PAPOLA: variants seen among roughly 807,000 people sequenced by gnomAD.
PAPOLA encodes poly(A) polymerase alpha, also known as polynucleotide adenylyltransferase alpha.
PAPOLA carries 15 observed loss-of-function variants against 100.6 expected under a neutral mutation model. That is an observed-to-expected ratio of 0.15 (90% CI 0.10 to 0.23). The LOEUF (loss-of-function observed/expected upper bound fraction) is 0.23. Ranked by LOEUF, PAPOLA falls within the 10% of genes least tolerant of loss-of-function variation. The pLI, the probability that PAPOLA is intolerant of heterozygous loss-of-function variation, is 1.00. For missense variants in PAPOLA, 533 were observed against 884.2 expected (o/e 0.60, Z 5.04); for synonymous variants, 293 against 300.0 (o/e 0.98, Z 0.24).
chr14:96,544,086 G>A (rs1345870034), intron 14 of PAPOLA, 63 bp from the exon 15 acceptor site: 3 of 865,760 alleles, frequency 3.5e-6, no homozygotes, highest in African/African-American at 1.7e-5. Context: ...CTGATTGTCA[G>A]CCACACTGAT....
Position 96,555,831 on chromosome 14 carries a change from A to AT in PAPOLA, c.1665-3dup, listed in dbSNP as rs748715578. 0.081 allele frequency: 80,500 copies of AT among 991,568 alleles called. 8 individuals carry two copies. The highest frequency in any genetic ancestry group is 0.088 in the Non-Finnish European group (63,099 of 715,302). 61.4% of individuals were successfully genotyped at this position (991,568 alleles called of 1,614,324 possible). On this transcript the variant is annotated splice_polypyrimidine_tract_variant and intron_variant, in intron 17 of 21. Transcript: ENST00000216277. ...TTTTTAAATTTTGAGACAATTTTTAATTTTTTTTTTTTTAGCAGAAACAGT... is the reference window on the plus strand; with the variant it reads ...TTTTTAAATTTTGAGACAATTTTTAATTTTTTTTTTTTTTAGCAGAAACAGT...
intron 3 of PAPOLA, among the ~76,000 whole-genome samples, chr14:96,523,182 GA>G (rs1432913127): frequency 6.6e-6 from 1 of 151,272 alleles, no homozygotes; most frequent in Non-Finnish European, 1.5e-5. Context: ...ACTTAAAAAT[GA>G]AAAAAAGATT....
In PAPOLA at chr14:96,507,428, C is replaced by T. The variant is rs1009293311; in HGVS notation, c.8+4828C>T. 2.0e-5 allele frequency among the ~76,000 whole-genome samples: 3 copies of T among 151,138 alleles called. No homozygotes were observed. The South Asian group carries it at 6.2e-4, about 31-fold the overall frequency. On this transcript the variant is annotated intron_variant, in intron 1 of 21. Transcript: ENST00000216277. ...TCAGCCTCCCGAGTAGCTGGGACTA[C>T]AGGCGCCCGCCACTGCGCCCGGCTA...
At position 96,532,572 on chromosome 14, in the gene PAPOLA, A is replaced by G. The variant is rs772771111; in HGVS notation, c.759A>G (p.Val253=). 1 of 1,613,400 alleles carries G rather than the reference A, an allele frequency of 6.2e-7. No individual in the cohort carries two copies. The highest frequency in any genetic ancestry group is 1.3e-5 in the African/African-American group (1 of 74,976). The change falls in exon 9 of 22, where the codon GTA becomes GTG. Residue 253 remains valine, a synonymous_variant. Coordinates refer to ENST00000216277, the MANE Select transcript of PAPOLA (RefSeq NM_032632.5). The part of the protein sequence containing the change: ...FLGGVSWAML[V]ARTCQLYPNA... ...GTGGTGTTTCCTGGGCTATGCTAGT[A>G]GCAAGAACTTGCCAGCTTTATCCAA... is the stretch of plus-strand genomic sequence containing the variant.
chr14:96,559,581 C>CTCTCTCTATATATATATA (rs370979875), intron 19 of PAPOLA, among the ~76,000 whole-genome samples: 33 of 120,176 alleles, frequency 2.7e-4, no homozygotes, highest in African/African-American at 9.7e-4. Context: ...CTCTCTCTCT[C>CTCTCTCTATATATATATA]TATATATATA....
chr14:96,513,575 G>T (rs1466585716), intron 1 of PAPOLA, among the ~76,000 whole-genome samples: 2 of 152,146 alleles, frequency 1.3e-5, no homozygotes, highest in East Asian at 3.8e-4. Flanking sequence ...CTTTTAAAAT[G>T]ATGTAACAAG....
intron 15 of PAPOLA, among the ~76,000 whole-genome samples, chr14:96,546,880 C>T (rs1050711365): frequency 1.3e-5 from 2 of 152,088 alleles, no homozygotes. Flanking sequence ...GCATTTTCTG[C>T]TGCTTAGGGC....
chr14:96,545,023 C>T (rs775898102), intron 15 of PAPOLA, among the ~76,000 whole-genome samples: 6 of 152,118 alleles, frequency 3.9e-5, no homozygotes, highest in African/African-American at 9.6e-5. Context: ...GCAAATACTA[C>T]GCATAGGGAC....
chr14:96,534,371 G>A, intron 9 of PAPOLA, 120 bp from the exon 10 acceptor site: 1 of 1,504,400 alleles, frequency 6.6e-7, no homozygotes, highest in Non-Finnish European at 8.8e-7. Context: ...TTAAAACGTT[G>A]TATGTACCAA....
chr14:96,566,823 A>AT lies in PAPOLA; in HGVS notation c.*1777dup, dbSNP rs1241549243. The AT allele has an allele frequency of 6.6e-6, 1 of 152,544 alleles. No homozygotes were observed. The highest frequency in any genetic ancestry group is 2.4e-5 in the African/African-American group (1 of 41,434). The allele number at this position is 152,544 out of a possible 1,614,324, so 9.4% of individuals were successfully genotyped here. On this transcript the variant is annotated 3_prime_UTR_variant, in exon 22 of 22. Coordinates refer to ENST00000216277, the MANE Select transcript of PAPOLA (RefSeq NM_032632.5). Reference sequence around the variant, plus strand: ...TACCAGGCACAGATTTAGTCTTGTCATTTTGTTTACACATTGGGGAAAACA... The same window carrying AT: ...TACCAGGCACAGATTTAGTCTTGTCATTTTTGTTTACACATTGGGGAAAACA...
intron 10 of PAPOLA, 140 bp downstream of exon 10, chr14:96,534,703 A>G: frequency 9.4e-6 from 14 of 1,482,336 alleles, no homozygotes; most frequent in East Asian, 4.8e-5. Context: ...AGATAACCTC[A>G]ACTATAATTG....
At chr14:96,512,492 T>A (rs1870836562) in intron 1 of PAPOLA, among the ~76,000 whole-genome samples, 1 of 152,242 alleles carries the variant, frequency 6.6e-6, no homozygotes, top group Admixed American at 6.5e-5. Context: ...GGGTTCATAT[T>A]CTGGTCCAGT....
intron 15 of PAPOLA, among the ~76,000 whole-genome samples, chr14:96,546,257 A>G (rs1195639436): frequency 6.6e-6 from 1 of 152,052 alleles, no homozygotes; most frequent in Non-Finnish European, 1.5e-5. Context: ...GGTTTCTGCT[A>G]CTTAGTACTG....
At chr14:96,536,743 A>G (rs918753637) in intron 11 of PAPOLA, among the ~76,000 whole-genome samples, 2 of 151,930 alleles carry the variant, frequency 1.3e-5, no homozygotes, top group Non-Finnish European at 2.9e-5. Context: ...TGAGCATGGC[A>G]TTTTAGAATA....
intron 2 of PAPOLA, 51 bp downstream of exon 2, chr14:96,520,279 A>G: frequency 7.1e-7 from 1 of 1,407,262 alleles, no homozygotes; most frequent in Non-Finnish European, 9.8e-7. Flanking sequence ...ATTAATGTTG[A>G]CATAAACTAA....
chr14:96,552,908 A>G (rs1330768152), intron 17 of PAPOLA: 1 of 361,040 alleles, frequency 2.8e-6, no homozygotes, highest in East Asian at 5.7e-5. Context: ...CTACTGCTAC[A>G]GTGCACTGTA....
At chr14:96,523,360 A>G (rs150065083) in intron 3 of PAPOLA, among the ~76,000 whole-genome samples, 1 of 152,232 alleles carries the variant, frequency 6.6e-6, no homozygotes, top group East Asian at 1.9e-4. Context: ...TTAAACATTC[A>G]GATTCTTGAC....
chr14:96,523,897 T>A (rs1163866287), intron 3 of PAPOLA, among the ~76,000 whole-genome samples: 2 of 151,122 alleles, frequency 1.3e-5, no homozygotes, highest in African/African-American at 2.4e-5. Flanking sequence ...AAGCCGAGAT[T>A]GCGCCCGTTG....
Position 96,547,888 on chromosome 14 carries a change from A to G in PAPOLA, c.1491A>G (p.Leu497=), listed in dbSNP as rs754226170. The G allele has an allele frequency of 5.0e-6, 8 of 1,608,014 alleles. No individual in the cohort carries two copies. The highest frequency in any genetic ancestry group is 1.3e-5 in the African/African-American group (1 of 74,574). ...HVKRKQLHQL[L]PNHVLQKKKK... ...AAAGAAAGCAACTCCATCAACTACT[A>G]CCTAATCATGTGCTTCAGAAAAAGA... Residue 497 remains leucine, a synonymous_variant, in exon 16 of 22, where the codon CTA becomes CTG. Coordinates refer to ENST00000216277, the MANE Select transcript of PAPOLA (RefSeq NM_032632.5).
Sources: gnomAD v4.1 joint callset for allele counts (sites outside exome capture counted in the v4.1 genomes callset) on GRCh38, gnomAD v4.1.1 for gene constraint, MANE v1.5 for transcripts, NCBI Gene and HGNC (gene_info 2026-07-23, HGNC 2026-07-21) for gene names.